The following NMNAT2 variants were observed in gnomAD, a reference collection of about 807,000 sequenced individuals.
The protein encoded by NMNAT2 is nicotinamide/nicotinic acid mononucleotide adenylyltransferase 2.
NMNAT2 carries 11 observed loss-of-function variants against 41.6 expected under a neutral mutation model. That is an observed-to-expected ratio of 0.26 (90% CI 0.17 to 0.44). The LOEUF (loss-of-function observed/expected upper bound fraction) is 0.44. Among genes scored for constraint, NMNAT2 ranks in the 20% least tolerant of loss-of-function variants. The pLI is 1.00. For missense variants in NMNAT2, 288 were observed against 407.7 expected, an observed-to-expected ratio of 0.71 and a Z score of 2.53; for synonymous variants, 148 against 151.2, an observed-to-expected ratio of 0.98 and a Z score of 0.16.
chr1:183,278,297 T>C (rs1481867452), intron 8 of NMNAT2, among the ~76,000 whole-genome samples: 2 of 152,124 alleles, frequency 1.3e-5, no homozygotes, highest in East Asian at 3.8e-4. Context: ...CCCAGCACTA[T>C]TTGGTGCTAG....
chr1:183,297,102 T>C (rs998394169), intron 1 of NMNAT2, among the ~76,000 whole-genome samples: 19 of 150,088 alleles, frequency 1.3e-4, no homozygotes, highest in Non-Finnish European at 2.8e-4. Context: ...CAAACCCAGC[T>C]CTACCCTACC....
rs201124081 is a variant in NMNAT2 at position 183,341,676 on chromosome 1, G to GA, written c.86-47884dup. On this transcript the variant is annotated intron_variant, in intron 1 of 10. Transcript: ENST00000287713. ...TACTGCACCCAGCCTGGTCAATAGAGAAAAAAAAAAAGAGAGAGAGAGAGA... is the reference window on the plus strand; with the variant it reads ...TACTGCACCCAGCCTGGTCAATAGAGAAAAAAAAAAAAGAGAGAGAGAGAGA... Among the ~76,000 whole-genome samples, 93 of 17,982 alleles carry GA rather than the reference G, an allele frequency of 5.2e-3. 1 individual carries two copies. The highest frequency in any genetic ancestry group is 0.011 in the Admixed American group (15 of 1,308). 11.8% of individuals were successfully genotyped at this position (17,982 alleles called of 152,430 possible). A position where few individuals can be genotyped will look rare whatever the true frequency, so the allele number is the denominator to read the frequency against.
intron 8 of NMNAT2, among the ~76,000 whole-genome samples, chr1:183,274,158 C>A (rs1337098151): frequency 6.6e-6 from 1 of 151,738 alleles, no homozygotes; most frequent in Non-Finnish European, 1.5e-5. Context: ...AGTGATCCAC[C>A]CACTTCAGAC....
At chr1:183,313,778 G>A (rs577621451) in intron 1 of NMNAT2, among the ~76,000 whole-genome samples, 8 of 152,332 alleles carry the variant, frequency 5.3e-5, no homozygotes, top group Non-Finnish European at 1.0e-4. Context: ...GAGCCGCTGC[G>A]CCCAGCCAAT....
chr1:183,358,025 C>G (rs375453434), intron 1 of NMNAT2, among the ~76,000 whole-genome samples: 2 of 152,108 alleles, frequency 1.3e-5, no homozygotes, highest in Non-Finnish European at 2.9e-5. Flanking sequence ...AACCTAAATA[C>G]CCATCAATGA....
At chr1:183,333,482 GAGA>G (rs1383003033) in intron 1 of NMNAT2, among the ~76,000 whole-genome samples, 11 of 152,310 alleles carry the variant, frequency 7.2e-5, no homozygotes, top group Admixed American at 7.2e-4. Flanking sequence ...GTCAGAGTCA[GAGA>G]AGGAGATGTG....
At chr1:183,364,926 C>T (rs1000252647) in intron 1 of NMNAT2, among the ~76,000 whole-genome samples, 5 of 152,062 alleles carry the variant, frequency 3.3e-5, no homozygotes, top group African/African-American at 4.8e-5. Context: ...CTGCTAACCT[C>T]GTGATGGGAG....
chr1:183,295,833 A>C (rs1445861985), intron 1 of NMNAT2, among the ~76,000 whole-genome samples: 3 of 152,080 alleles, frequency 2.0e-5, no homozygotes, highest in Non-Finnish European at 4.4e-5. Context: ...ATGTCTTTTC[A>C]TGGCTCGATA....
chr1:183,256,453 G>A (rs559464116), intron 10 of NMNAT2, among the ~76,000 whole-genome samples: 3 of 152,142 alleles, frequency 2.0e-5, no homozygotes, highest in Non-Finnish European at 2.9e-5. Context: ...AATGGCCTTC[G>A]TTATGTTGAG....
chr1:183,380,427 G>A (rs1252394173), intron 1 of NMNAT2, among the ~76,000 whole-genome samples: 1 of 152,038 alleles, frequency 6.6e-6, no homozygotes, highest in Non-Finnish European at 1.5e-5. Flanking sequence ...TCCATCTTAA[G>A]TGTATAGTTC....
At chr1:183,415,468 T>G (rs937058845) in intron 1 of NMNAT2, among the ~76,000 whole-genome samples, 10 of 152,218 alleles carry the variant, frequency 6.6e-5, no homozygotes, top group African/African-American at 2.2e-4. Context: ...TCTTAGTTTA[T>G]GGTTCATGAA....
chr1:183,252,340 C>T lies in NMNAT2; in HGVS notation c.*301G>A. ...GTGCTGGGAGGATGGGCACCAGAGC[C>T]GCCTCTCTAGAGCATGCTGGGAGAC... On this transcript the variant is annotated 3_prime_UTR_variant, in exon 11 of 11. Coordinates refer to ENST00000287713, the MANE Select transcript of NMNAT2 (RefSeq NM_015039.4). 8.7e-6 allele frequency: 3 copies of T among 344,536 alleles called. No individual in the cohort carries two copies. Among genetic ancestry groups the T allele is most frequent in the Non-Finnish European group, 1.6e-5 (3 of 183,326 alleles). 21.3% of individuals were successfully genotyped at this position (344,536 alleles called of 1,614,324 possible).
chr1:183,382,980 G>A (rs1402412209), intron 1 of NMNAT2, among the ~76,000 whole-genome samples: 1 of 152,174 alleles, frequency 6.6e-6, no homozygotes, highest in African/African-American at 2.4e-5. Flanking sequence ...CCTCCACATT[G>A]CCCTAGTAGA....
chr1:183,259,286 G>A (rs928400323), intron 10 of NMNAT2, among the ~76,000 whole-genome samples: 8 of 152,128 alleles, frequency 5.3e-5, no homozygotes, highest in East Asian at 1.9e-4. Flanking sequence ...GCCCCTCTCC[G>A]CTTATTGCCC....
At chr1:183,316,418 G>C (rs139467765) in intron 1 of NMNAT2, among the ~76,000 whole-genome samples, 1 of 152,160 alleles carries the variant, frequency 6.6e-6, no homozygotes, top group Non-Finnish European at 1.5e-5. Flanking sequence ...AGCTTGAAAA[G>C]AGAGCAAAAT....
intron 1 of NMNAT2, among the ~76,000 whole-genome samples, chr1:183,394,986 C>T (rs1167516676): frequency 1.3e-5 from 2 of 152,180 alleles, no homozygotes; most frequent in Non-Finnish European, 2.9e-5. Flanking sequence ...GTTACCCACC[C>T]TTCTTTGCCG....
chr1:183,388,943 ATACCAACGTGATTCCAT>A lies in NMNAT2; in HGVS notation c.85+29223_85+29239del, dbSNP rs558514546. On this transcript the variant is annotated intron_variant, in intron 1 of 10. Coordinates refer to ENST00000287713, the MANE Select transcript of NMNAT2 (RefSeq NM_015039.4). ...TCTTGCCAGCCAACCTTGAGTAAGT[ATACCAACGTGATTCCAT>A]TACCCTCAAAGCAAACACACGTCAT... Among the ~76,000 whole-genome samples, 49 of 152,330 alleles carry A rather than the reference ATACCAACGTGATTCCAT, an allele frequency of 3.2e-4. 1 individual carries two copies. In the East Asian group the frequency reaches 9.4e-3, roughly 29 times the overall value.
intron 1 of NMNAT2, among the ~76,000 whole-genome samples, chr1:183,334,612 C>A (rs988724927): frequency 1.3e-5 from 2 of 151,726 alleles, no homozygotes; most frequent in Non-Finnish European, 2.9e-5. Flanking sequence ...CAGGTTCAAG[C>A]GATTCTCCTG....
Position 183,252,270 on chromosome 1 carries a change from T to C in NMNAT2, c.*371A>G, listed in dbSNP as rs579217. ...AGGAGGGGCACCAGAGCCGCCTCTC[T>C]AGAGCATGCTGGGAGGATGGGCACC... On this transcript the variant is annotated 3_prime_UTR_variant, in exon 11 of 11. Transcript: ENST00000287713. 5,440 of 218,236 alleles carry C rather than the reference T, an allele frequency of 0.025. 316 individuals carry two copies. Among genetic ancestry groups the C allele is most frequent in the African/African-American group, 0.12 (5,051 of 43,114 alleles). The allele number at this position is 218,236 out of a possible 1,614,324, so 13.5% of individuals were successfully genotyped here. A position where few individuals can be genotyped will look rare whatever the true frequency, so the allele number is the denominator to read the frequency against.
Sources: gnomAD v4.1 joint callset for allele counts (sites outside exome capture counted in the v4.1 genomes callset) on GRCh38, gnomAD v4.1.1 for gene constraint, MANE v1.5 for transcripts, NCBI Gene and HGNC (gene_info 2026-07-23, HGNC 2026-07-21) for gene names.